ZNF804B: variants seen among roughly 807,000 people sequenced by gnomAD.
The protein encoded by ZNF804B is zinc finger 804B.
A neutral mutation model predicts 101.4 loss-of-function variants in ZNF804B; 80 were observed. The ratio of observed to expected loss-of-function variants is 0.79; its 90% CI spans 0.66 to 0.95. ZNF804B has a LOEUF of 0.95. Ranked by LOEUF, ZNF804B falls within the 40% of genes least tolerant of loss-of-function variation. The probability of loss-of-function intolerance (pLI) is 0.00; values close to 1 mark genes in which losing one functional copy is unlikely to be tolerated. For missense variants in ZNF804B, 1,673 were observed against 1,561.9 expected (o/e 1.07, Z -1.20); for synonymous variants, 622 against 558.8 (o/e 1.11, Z -1.59).
chr7:89,332,400 A>T (rs1229091344), intron 3 of ZNF804B, among the ~76,000 whole-genome samples: 1 of 151,766 alleles, frequency 6.6e-6, no homozygotes, highest in Non-Finnish European at 1.5e-5. Context: ...GGAAAGTAAA[A>T]TAAAAATCAA....
intron 1 of ZNF804B, among the ~76,000 whole-genome samples, chr7:88,815,252 C>A (rs1037844410): frequency 6.8e-6 from 1 of 148,036 alleles, no homozygotes; most frequent in African/African-American, 2.5e-5. Context: ...TAATTGTAAT[C>A]TCTTATCTAT....
chr7:88,945,881 C>A (rs1303884281), intron 1 of ZNF804B, among the ~76,000 whole-genome samples: 1 of 152,074 alleles, frequency 6.6e-6, no homozygotes, highest in Non-Finnish European at 1.5e-5. Flanking sequence ...CATGATTTGG[C>A]TCTCCGTTTG....
At chr7:88,783,035 G>A (rs1196730589) in intron 1 of ZNF804B, among the ~76,000 whole-genome samples, 1 of 152,042 alleles carries the variant, frequency 6.6e-6, no homozygotes, top group Non-Finnish European at 1.5e-5. Flanking sequence ...CCTTTATGTG[G>A]TAAAAGGAAT....
intron 1 of ZNF804B, among the ~76,000 whole-genome samples, chr7:88,885,879 C>T (rs913606184): frequency 1.2e-4 from 18 of 151,964 alleles, no homozygotes; most frequent in Non-Finnish European, 2.5e-4. Context: ...TATATTAGCA[C>T]TCAGATCATT....
chr7:88,801,768 C>T (rs1175019124), intron 1 of ZNF804B, among the ~76,000 whole-genome samples: 1 of 151,930 alleles, frequency 6.6e-6, no homozygotes. Flanking sequence ...AAAAAAAGAA[C>T]TTTGAAAAAA....
intron 1 of ZNF804B, among the ~76,000 whole-genome samples, chr7:88,849,444 A>G (rs1277528813): frequency 6.6e-6 from 1 of 151,906 alleles, no homozygotes; most frequent in Non-Finnish European, 1.5e-5. Flanking sequence ...ATATTGAGTA[A>G]CAAGATATGA....
chr7:88,765,592 T>C (rs1789969269), intron 1 of ZNF804B, among the ~76,000 whole-genome samples: 1 of 152,162 alleles, frequency 6.6e-6, no homozygotes, highest in Non-Finnish European at 1.5e-5. Context: ...GTCATAATTC[T>C]TTGGTATATA....
intron 1 of ZNF804B, among the ~76,000 whole-genome samples, chr7:88,878,225 A>C (rs1791980589): frequency 6.6e-6 from 1 of 152,090 alleles, no homozygotes; most frequent in Admixed American, 6.6e-5. Flanking sequence ...TTTTATGACA[A>C]GGGTTTTGGA....
chr7:88,857,805 C>CTCCTT (rs1791589940), intron 1 of ZNF804B, among the ~76,000 whole-genome samples: 3 of 136,460 alleles, frequency 2.2e-5, no homozygotes, highest in African/African-American at 8.2e-5. Context: ...CCCTTTCTTT[C>CTCCTT]TCCTTTCCTT....
At chr7:89,198,976 A>T (rs1470170646) in intron 1 of ZNF804B, among the ~76,000 whole-genome samples, 1 of 151,896 alleles carries the variant, frequency 6.6e-6, no homozygotes, top group Non-Finnish European at 1.5e-5. Flanking sequence ...GAAGTAAAAA[A>T]GTCAGCAATA....
chr7:89,008,307 A>C (rs1180412537), intron 1 of ZNF804B, among the ~76,000 whole-genome samples: 1 of 152,042 alleles, frequency 6.6e-6, no homozygotes, highest in African/African-American at 2.4e-5. Context: ...TTGAAGTCCT[A>C]CTCTGAATCA....
intron 1 of ZNF804B, among the ~76,000 whole-genome samples, chr7:89,195,685 G>C (rs1373144064): frequency 6.6e-6 from 1 of 151,606 alleles, no homozygotes; most frequent in Non-Finnish European, 1.5e-5. Context: ...TTCTTAAGCT[G>C]ATAAGAAACT....
chr7:88,838,260 C>T (rs1791244984), intron 1 of ZNF804B, among the ~76,000 whole-genome samples: 1 of 149,476 alleles, frequency 6.7e-6, no homozygotes, highest in South Asian at 2.1e-4. Flanking sequence ...TTATAGCCTC[C>T]TTATAGATAA....
chr7:89,276,726 A>G (rs1789986787), intron 2 of ZNF804B, among the ~76,000 whole-genome samples: 2 of 151,920 alleles, frequency 1.3e-5, no homozygotes, highest in South Asian at 4.1e-4. Flanking sequence ...TGGATATTTG[A>G]CTACATTTTA....
chr7:89,215,176 T>C (rs1788871239), intron 1 of ZNF804B, among the ~76,000 whole-genome samples: 1 of 152,206 alleles, frequency 6.6e-6, no homozygotes. Context: ...CATAATTTCC[T>C]GGCAAGAATA....
rs1165954665 is a variant in ZNF804B at position 88,877,345 on chromosome 7, T to C, written c.108+117261T>C. Among the ~76,000 whole-genome samples the C allele has an allele frequency of 4.0e-5, 6 of 151,890 alleles. No homozygotes were observed. In the East Asian group the frequency reaches 5.8e-4, roughly 15 times the overall value. The stretch of plus-strand genomic sequence containing the variant: ...CCTGAGATCAACATTAGCCAAGTCA[T>C]GAATTTGTAGGTATATGTAGAATTA... On this transcript the variant is annotated intron_variant, in intron 1 of 3. Transcript: ENST00000333190.
At chr7:89,036,870 T>C (rs1788937953) in intron 1 of ZNF804B, among the ~76,000 whole-genome samples, 1 of 152,118 alleles carries the variant, frequency 6.6e-6, no homozygotes, top group Admixed American at 6.6e-5. Context: ...GTAAGGTCTG[T>C]ATGCTTAAAT....
intron 1 of ZNF804B, among the ~76,000 whole-genome samples, chr7:89,139,568 C>T (rs1297859733): frequency 6.6e-6 from 1 of 152,012 alleles, no homozygotes; most frequent in African/African-American, 2.4e-5. Context: ...GCTGTCATTT[C>T]ATCAATGTTC....
chr7:89,079,956 C>T (rs1361144280), intron 1 of ZNF804B, among the ~76,000 whole-genome samples: 1 of 151,798 alleles, frequency 6.6e-6, no homozygotes, highest in Admixed American at 6.6e-5. Context: ...GATTATGGAG[C>T]ACCTTGGAGG....
Sources: allele counts gnomAD v4.1 joint callset (sites outside exome capture counted in the v4.1 genomes callset), GRCh38; gene constraint gnomAD v4.1.1; transcripts MANE v1.5; gene names NCBI Gene and HGNC (gene_info 2026-07-23, HGNC 2026-07-21).